PFKP: variants seen among roughly 807,000 people sequenced by gnomAD.
The protein encoded by PFKP is ATP-dependent 6-phosphofructokinase, platelet type.
Under a neutral mutation model 94.3 loss-of-function variants are expected in PFKP, and 101 were observed. The ratio of observed to expected loss-of-function variants is 1.07; its 90% CI spans 0.91 to 1.26. The LOEUF (loss-of-function observed/expected upper bound fraction) is 1.26. Ranked by LOEUF, PFKP falls within the 50% of genes most tolerant of loss-of-function variation. PFKP has a pLI of 0.00. For synonymous variants in PFKP, 573 were observed against 432.6 expected, an observed-to-expected ratio of 1.32 and a Z score of -4.03; for missense variants, 1,145 against 1,103.3, an observed-to-expected ratio of 1.04 and a Z score of -0.53.
At chr10:3,132,914 G>A (rs1349949152) in intron 18 of PFKP, among the ~76,000 whole-genome samples, 1 of 151,860 alleles carries the variant, frequency 6.6e-6, no homozygotes, top group Non-Finnish European at 1.5e-5. Flanking sequence ...GGGTGGGACA[G>A]CAAGAGAGCA....
chr10:3,116,101 G>GA (rs11419779), intron 13 of PFKP, among the ~76,000 whole-genome samples: 83,820 of 150,960 alleles, frequency 0.56, 24,764 homozygotes, highest in East Asian at 0.81. Context: ...ATTTATGTGG[G>GA]AAAAAAAAGC....
Position 3,111,156 on chromosome 10 carries a change from G to A in PFKP, c.1090-1066G>A, listed in dbSNP as rs544577250. Reference sequence around the variant, plus strand: ...AGTGTGTGCATGTCTGTGTGTGCATGTGTTTATATGGATGTGTGTGTATGT... The same window carrying A: ...AGTGTGTGCATGTCTGTGTGTGCATATGTTTATATGGATGTGTGTGTATGT... On this transcript the variant is annotated intron_variant, in intron 10 of 21. Coordinates refer to ENST00000381125, the MANE Select transcript of PFKP (RefSeq NM_002627.5). 3.3e-5 allele frequency among the ~76,000 whole-genome samples: 5 copies of A among 152,258 alleles called. No individual in the cohort carries two copies. The South Asian group carries it at 1.0e-3, about 32-fold the overall frequency.
chr10:3,115,646 A>G lies in PFKP; in HGVS notation c.1372-1130A>G, dbSNP rs117220949. ...GTGCAGTAAGCCGCTGTGTCCCAGC[A>G]TCTTCAGGAGGGTTTGGCTGAGCTC... is the stretch of plus-strand genomic sequence containing the variant. On this transcript the variant is annotated intron_variant, in intron 13 of 21. Transcript: ENST00000381125. 1.0e-3 allele frequency among the ~76,000 whole-genome samples: 156 copies of G among 152,066 alleles called. 2 individuals carry two copies. The East Asian group carries it at 0.024, about 24-fold the overall frequency.
intron 16 of PFKP, among the ~76,000 whole-genome samples, chr10:3,127,126 A>T (rs1047988081): frequency 3.9e-5 from 6 of 152,224 alleles, no homozygotes; most frequent in Non-Finnish European, 8.8e-5. Context: ...GTGACTTGCT[A>T]TTTTTAGAAG....
chr10:3,124,373 G>C (rs1467031251), intron 16 of PFKP, among the ~76,000 whole-genome samples: 2 of 152,212 alleles, frequency 1.3e-5, no homozygotes, highest in Non-Finnish European at 2.9e-5. Context: ...AACACCCTGA[G>C]GTGGAGTCTG....
At chr10:3,073,659 T>C (rs1832362108) in intron 1 of PFKP, among the ~76,000 whole-genome samples, 1 of 149,824 alleles carries the variant, frequency 6.7e-6, no homozygotes, top group South Asian at 2.2e-4. Context: ...GATTCATTAA[T>C]ATAGGACCCC....
At chr10:3,094,725 T>G (rs1385100159) in intron 2 of PFKP, among the ~76,000 whole-genome samples, 2 of 152,176 alleles carry the variant, frequency 1.3e-5, no homozygotes, top group African/African-American at 4.8e-5. Flanking sequence ...CGCTGGTGTT[T>G]CCCAAGTCTA....
At chr10:3,122,904 G>A (rs572984838) in intron 16 of PFKP, among the ~76,000 whole-genome samples, 5 of 152,342 alleles carry the variant, frequency 3.3e-5, no homozygotes, top group African/African-American at 7.2e-5. Context: ...GGGACGCTGC[G>A]GAACGTCCCT....
chr10:3,087,797 C>G (rs960947395), intron 2 of PFKP, among the ~76,000 whole-genome samples: 1 of 152,130 alleles, frequency 6.6e-6, no homozygotes. Flanking sequence ...ATTTCTTCAC[C>G]TTCCTCCAGT....
At chr10:3,121,584 T>TG (rs1837410129) in intron 16 of PFKP, among the ~76,000 whole-genome samples, 1 of 36,416 alleles carries the variant, frequency 2.7e-5, no homozygotes, top group African/African-American at 1.4e-4. Context: ...AATAACTGTT[T>TG]TTTTTTTTTT....
chr10:3,113,779 G>C (rs184812613), intron 13 of PFKP, among the ~76,000 whole-genome samples: 1 of 152,060 alleles, frequency 6.6e-6, no homozygotes, highest in East Asian at 1.9e-4. Flanking sequence ...TCTGGGGTCT[G>C]ATGGCCCTGA....
chr10:3,135,686 C>G, intron 20 of PFKP, 50 bp from the exon 21 acceptor site: 5 of 1,128,500 alleles, frequency 4.4e-6, no homozygotes, highest in Non-Finnish European at 1.3e-6. Context: ...TGCTCCCCCA[C>G]CTGCCCATGT....
chr10:3,121,718 T>C (rs896885502), intron 16 of PFKP, among the ~76,000 whole-genome samples: 2 of 151,598 alleles, frequency 1.3e-5, no homozygotes, highest in Non-Finnish European at 2.9e-5. Flanking sequence ...GGAGGGATTG[T>C]GTGATTTATT....
At chr10:3,086,760 T>C (rs985541270) in intron 2 of PFKP, among the ~76,000 whole-genome samples, 1 of 152,126 alleles carries the variant, frequency 6.6e-6, no homozygotes, top group African/African-American at 2.4e-5. Flanking sequence ...TGGCCCACTT[T>C]AATCTCTCTT....
At chr10:3,083,470 A>G (rs945274171) in intron 2 of PFKP, among the ~76,000 whole-genome samples, 1 of 152,220 alleles carries the variant, frequency 6.6e-6, no homozygotes, top group African/African-American at 2.4e-5. Context: ...TGCCTCCAAA[A>G]TGGCTATTAG....
rs183460673 is a variant in PFKP at position 3,093,092 on chromosome 10, C to T, written c.187-6183C>T. Among the ~76,000 whole-genome samples the T allele has an allele frequency of 7.4e-3, 1,118 of 151,870 alleles. 15 individuals carry two copies. The highest frequency in any genetic ancestry group is 0.025 in the African/African-American group (1,025 of 41,378). ...GGGGGTGACCACGGAAGCCTGAGCTCCCGCTCCTGGGATGTGTGGAAGGGG... is the reference window on the plus strand; with the variant it reads ...GGGGGTGACCACGGAAGCCTGAGCTTCCGCTCCTGGGATGTGTGGAAGGGG... On this transcript the variant is annotated intron_variant, in intron 2 of 21. Coordinates refer to ENST00000381125, the MANE Select transcript of PFKP (RefSeq NM_002627.5).
chr10:3,091,534 G>A (rs1834038811), intron 2 of PFKP, among the ~76,000 whole-genome samples: 1 of 152,086 alleles, frequency 6.6e-6, no homozygotes, highest in Non-Finnish European at 1.5e-5. Context: ...TAAGATTCTT[G>A]CCGAGCACCG....
intron 7 of PFKP, among the ~76,000 whole-genome samples, chr10:3,106,466 T>A (rs1835569196): frequency 6.6e-6 from 1 of 151,554 alleles, no homozygotes; most frequent in Non-Finnish European, 1.5e-5. Context: ...TGGGAACCCC[T>A]GTCAATCACA....
chr10:3,086,712 C>T (rs937618975), intron 2 of PFKP, among the ~76,000 whole-genome samples: 9 of 151,794 alleles, frequency 5.9e-5, no homozygotes, highest in African/African-American at 1.9e-4. Context: ...GGAGTGAGGC[C>T]GAGGGGAGTG....
Sources: allele counts gnomAD v4.1 joint callset (sites outside exome capture counted in the v4.1 genomes callset), GRCh38; gene constraint gnomAD v4.1.1; transcripts MANE v1.5; gene names NCBI Gene and HGNC (gene_info 2026-07-23, HGNC 2026-07-21).